SLC38A11: variants seen among roughly 807,000 people sequenced by gnomAD.
SLC38A11 encodes the protein putative sodium-coupled neutral amino acid transporter 11.
Under a neutral mutation model 49.4 loss-of-function variants are expected in SLC38A11, and 51 were observed. The observed-to-expected ratio is 1.03, with a 90% CI of 0.83 to 1.30. The LOEUF (loss-of-function observed/expected upper bound fraction) is 1.30, where lower values mean the gene tolerates loss of function less well. SLC38A11 is among the 50% of genes most tolerant of loss of function. SLC38A11 has a pLI of 0.00. For missense variants in SLC38A11, 574 were observed against 556.2 expected, an observed-to-expected ratio of 1.03 and a Z score of -0.32; for synonymous variants, 203 against 192.9, an observed-to-expected ratio of 1.05 and a Z score of -0.43.
chr2:164,919,842 T>C (rs1686057419), intron 7 of SLC38A11, among the ~76,000 whole-genome samples: 1 of 152,302 alleles, frequency 6.6e-6, no homozygotes, highest in East Asian at 1.9e-4. Flanking sequence ...GCAGAAGCTG[T>C]GAATACAGAG....
chr2:164,921,550 T>G (rs186527557), intron 7 of SLC38A11, among the ~76,000 whole-genome samples: 22 of 152,050 alleles, frequency 1.4e-4, no homozygotes, highest in African/African-American at 4.6e-4. Flanking sequence ...AGGCTGGTCT[T>G]GAACCACTGG....
At chr2:164,900,310 A>G (rs1443039160) in intron 11 of SLC38A11, among the ~76,000 whole-genome samples, 1 of 152,054 alleles carries the variant, frequency 6.6e-6, no homozygotes, top group Non-Finnish European at 1.5e-5. Context: ...TTTTGAGTAT[A>G]TACCCAGAAT....
chr2:164,903,908 A>C (rs1684824131), intron 11 of SLC38A11, among the ~76,000 whole-genome samples: 2 of 152,162 alleles, frequency 1.3e-5, no homozygotes, highest in South Asian at 4.1e-4. Flanking sequence ...GAAATTTCTC[A>C]AATGATGCAA....
At chr2:164,927,516 G>A (rs553373803) in intron 7 of SLC38A11, among the ~76,000 whole-genome samples, 1 of 152,158 alleles carries the variant, frequency 6.6e-6, no homozygotes, top group South Asian at 2.1e-4. Flanking sequence ...TTATATGGTA[G>A]CTCCCCCAGC....
intron 3 of SLC38A11, among the ~76,000 whole-genome samples, chr2:164,948,751 G>T (rs1265510470): frequency 1.3e-5 from 2 of 152,096 alleles, no homozygotes; most frequent in African/African-American, 4.8e-5. Flanking sequence ...CTTCCTATCT[G>T]CCTTTGCAAA....
chr2:164,894,734 C>T lies in SLC38A11; in HGVS notation c.*3703G>A, dbSNP rs1684357513. ...TCCTCCCATGTCCTTTGTCATTGCT[C>T]TTCACTAATATTATTGTCGTGGTTT... On this transcript the variant is annotated 3_prime_UTR_variant, in exon 12 of 12. Coordinates refer to ENST00000685975, the MANE Select transcript of SLC38A11 (RefSeq NM_001351537.2). Among the ~76,000 whole-genome samples, 1 of 152,132 alleles carries T rather than the reference C, an allele frequency of 6.6e-6. No individual in the cohort carries two copies. Among genetic ancestry groups the T allele is most frequent in the African/African-American group, 2.4e-5 (1 of 41,428 alleles).
At chr2:164,927,380 T>C (rs1409447311) in intron 7 of SLC38A11, among the ~76,000 whole-genome samples, 5 of 152,290 alleles carry the variant, frequency 3.3e-5, no homozygotes, top group Non-Finnish European at 1.5e-5. Context: ...ACAGAACCAA[T>C]TTCAGCAGTT....
In SLC38A11 at chr2:164,945,604, T is replaced by C. The variant is rs773033642; in HGVS notation, c.353A>G (p.Tyr118Cys). ...YLLLSVLQFL[Y>C]PFIAMISYNI... ...CACAGTCAACTTACCTATAAAAGGA[T>C]ACAAAAACTGAAGAACAGAGAGGAG... Residue 118 changes from tyrosine (Y) to cysteine (C), a missense_variant, in exon 4 of 12, where the codon TAT (tyrosine) becomes TGT (cysteine). Transcript: ENST00000685975. The C allele has an allele frequency of 1.3e-6, 2 of 1,596,000 alleles. No individual in the cohort carries two copies. The highest frequency in any genetic ancestry group is 1.9e-5 in the Admixed American group (1 of 53,618).
At chr2:164,946,828 T>G (rs1391917391) in intron 3 of SLC38A11, among the ~76,000 whole-genome samples, 2 of 152,226 alleles carry the variant, frequency 1.3e-5, no homozygotes, top group African/African-American at 4.8e-5. Flanking sequence ...TGCAATATGG[T>G]TTCCCCCTGA....
At chr2:164,940,425 A>G (rs1687687870) in intron 5 of SLC38A11, among the ~76,000 whole-genome samples, 2 of 151,076 alleles carry the variant, frequency 1.3e-5, no homozygotes, top group Non-Finnish European at 1.5e-5. Context: ...TTAAATTTTT[A>G]GCTCATATTA....
chr2:164,937,423 G>A lies in SLC38A11; in HGVS notation c.544C>T (p.Leu182Phe). Residue 182 changes from leucine to phenylalanine, a missense_variant, in exon 7 of 12, where the codon CTC (leucine) becomes TTC (phenylalanine). Coordinates refer to ENST00000685975, the MANE Select transcript of SLC38A11 (RefSeq NM_001351537.2). ...RNIAKLGKVS[L>F]ISTGLTTLIL... ...AGAGTTGTTAAACCTGTAGAGATGA[G>A]GGAGACCTGTAAAAGAAAATACAAG... 6.2e-6 allele frequency: 10 copies of A among 1,603,238 alleles called. No homozygotes were observed. Among genetic ancestry groups the A allele is most frequent in the Non-Finnish European group, 8.5e-6 (10 of 1,171,276 alleles).
At position 164,916,063 on chromosome 2, in the gene SLC38A11, A is replaced by G. The variant is rs150357117; in HGVS notation, c.618-90T>C. The G allele has an allele frequency of 1.4e-3, 1,203 of 861,694 alleles. 4 individuals are homozygous for G. Among genetic ancestry groups the G allele is most frequent in the African/African-American group, 0.013 (789 of 60,692 alleles). 53.4% of individuals were successfully genotyped at this position (861,694 alleles called of 1,614,324 possible). A position where few individuals can be genotyped will look rare whatever the true frequency, so the allele number is the denominator to read the frequency against. On this transcript the variant is annotated intron_variant, in intron 7 of 11. Coordinates refer to ENST00000685975, the MANE Select transcript of SLC38A11 (RefSeq NM_001351537.2). ...ACAAGAAATGGTATCACAAATATAA[A>G]CTGAGTGTCTTTAAGCCAGAAATTA... is the stretch of plus-strand genomic sequence containing the variant.
intron 11 of SLC38A11, among the ~76,000 whole-genome samples, chr2:164,907,555 G>A (rs1054779968): frequency 6.6e-5 from 10 of 152,172 alleles, no homozygotes; most frequent in East Asian, 3.9e-4. Context: ...GTGAGCCACC[G>A]TTCCTGGCCT....
intron 3 of SLC38A11, among the ~76,000 whole-genome samples, chr2:164,950,877 A>G (rs894265989): frequency 3.3e-5 from 5 of 152,170 alleles, no homozygotes; most frequent in African/African-American, 1.2e-4. Context: ...AAAATTCAAC[A>G]TTATACCCTA....
chr2:164,942,354 G>A (rs1687831317), intron 5 of SLC38A11, among the ~76,000 whole-genome samples: 1 of 149,788 alleles, frequency 6.7e-6, no homozygotes, highest in African/African-American at 2.5e-5. Context: ...AGGATCACCT[G>A]AGCCCGGGAG....
chr2:164,909,643 T>C lies in SLC38A11; in HGVS notation c.964-872A>G, dbSNP rs552355544. On this transcript the variant is annotated intron_variant, in intron 10 of 11. Coordinates refer to ENST00000685975, the MANE Select transcript of SLC38A11 (RefSeq NM_001351537.2). ...ATGCACAGGATTTGGAGCAGAATTATAGGCTGAGACAAGAGCGTGAAAAAG... is the reference window on the plus strand; with the variant it reads ...ATGCACAGGATTTGGAGCAGAATTACAGGCTGAGACAAGAGCGTGAAAAAG... 3.3e-5 allele frequency among the ~76,000 whole-genome samples: 5 copies of C among 151,560 alleles called. No homozygotes were observed. In the South Asian group the frequency reaches 1.0e-3, roughly 32 times the overall value.
chr2:164,942,277 C>G (rs1687824439), intron 5 of SLC38A11, among the ~76,000 whole-genome samples: 1 of 151,254 alleles, frequency 6.6e-6, no homozygotes, highest in Non-Finnish European at 1.5e-5. Context: ...AGCAAAACCC[C>G]ATCTCTACAA....
At chr2:164,953,994 A>G (rs1397375209) in intron 2 of SLC38A11, among the ~76,000 whole-genome samples, 1 of 152,088 alleles carries the variant, frequency 6.6e-6, no homozygotes, top group Non-Finnish European at 1.5e-5. Flanking sequence ...GAAAAATCTG[A>G]GCTATTTATT....
At chr2:164,928,612 A>T (rs1184616953) in intron 7 of SLC38A11, among the ~76,000 whole-genome samples, 1 of 152,172 alleles carries the variant, frequency 6.6e-6, no homozygotes, top group African/African-American at 2.4e-5. Context: ...ACAGAAGATA[A>T]CTAAAGATAA....
Sources: gnomAD v4.1 joint callset for allele counts (sites outside exome capture counted in the v4.1 genomes callset) on GRCh38, gnomAD v4.1.1 for gene constraint, MANE v1.5 for transcripts, NCBI Gene and HGNC (gene_info 2026-07-23, HGNC 2026-07-21) for gene names.